IQCH: variants seen among roughly 807,000 people sequenced by gnomAD.
The protein encoded by IQCH is IQ motif containing H, also known as IQ domain-containing protein H.
A neutral mutation model predicts 117.0 loss-of-function variants in IQCH; 98 were observed. That is an observed-to-expected ratio of 0.84 (90% CI 0.71 to 0.99). The LOEUF (loss-of-function observed/expected upper bound fraction) is 0.99, where lower values mean the gene tolerates loss of function less well. Ranked by LOEUF, IQCH falls within the 50% of genes least tolerant of loss-of-function variation. IQCH has a pLI of 0.00. For synonymous variants in IQCH, 412 were observed against 448.2 expected (o/e 0.92, Z 1.02); for missense variants, 1,102 against 1,243.8 (o/e 0.89, Z 1.72).
At chr15:67,304,331 T>C in intron 4 of IQCH, 1 of 1,434,032 alleles carries the variant, frequency 7.0e-7, no homozygotes, top group Non-Finnish European at 9.4e-7. Context: ...ATTGTTTCTT[T>C]GTTTCAGCGA....
At chr15:67,375,940 C>G (rs1970722452) in intron 10 of IQCH, among the ~76,000 whole-genome samples, 2 of 151,922 alleles carry the variant, frequency 1.3e-5, no homozygotes, top group African/African-American at 4.8e-5. Context: ...GCATGTACCA[C>G]CATGCCTGGC....
intron 3 of IQCH, among the ~76,000 whole-genome samples, chr15:67,274,894 T>C (rs1418734917): frequency 1.3e-5 from 2 of 152,168 alleles, no homozygotes; most frequent in Non-Finnish European, 2.9e-5. Context: ...TAAGCCCGGA[T>C]TTGTGTCAAA....
intron 4 of IQCH, among the ~76,000 whole-genome samples, chr15:67,332,359 A>G (rs758821637): frequency 3.9e-5 from 6 of 152,170 alleles, no homozygotes; most frequent in Non-Finnish European, 7.3e-5. Context: ...ACTTCACAAT[A>G]ATTATCATTG....
intron 4 of IQCH, among the ~76,000 whole-genome samples, chr15:67,301,630 G>A (rs1470898536): frequency 4.0e-4 from 61 of 151,676 alleles, no homozygotes; most frequent in Non-Finnish European, 1.8e-4. Context: ...GGCTGGTCTC[G>A]AACTCCTGAC....
At chr15:67,378,614 C>A (rs543876287) in intron 10 of IQCH, among the ~76,000 whole-genome samples, 7 of 151,804 alleles carry the variant, frequency 4.6e-5, no homozygotes, top group Non-Finnish European at 1.0e-4. Context: ...TAATCGAAAT[C>A]AACACTCATT....
At chr15:67,498,918 C>A (rs1344410467) in intron 20 of IQCH, among the ~76,000 whole-genome samples, 4 of 152,184 alleles carry the variant, frequency 2.6e-5, no homozygotes, top group Non-Finnish European at 4.4e-5. Context: ...ATACAAAGTA[C>A]TCTTGTACTC....
chr15:67,336,198 TTAA>T (rs761817423), intron 4 of IQCH, among the ~76,000 whole-genome samples: 6 of 152,174 alleles, frequency 3.9e-5, no homozygotes, highest in Non-Finnish European at 5.9e-5. Context: ...TGTAAATTAA[TTAA>T]TGTTTGGAAA....
chr15:67,475,556 T>A lies in IQCH; in HGVS notation c.2677-140T>A. 1.6e-6 allele frequency: 1 copy of A among 644,486 alleles called. No homozygotes were observed. Among genetic ancestry groups the A allele is most frequent in the South Asian group, 2.0e-5 (1 of 49,608 alleles). 39.9% of individuals were successfully genotyped at this position (644,486 alleles called of 1,614,324 possible). A position where few individuals can be genotyped will look rare whatever the true frequency, so the allele number is the denominator to read the frequency against. Reference sequence around the variant, plus strand: ...ACAAATGTACCACAGCAATGTAAGATGTTAACAATAGGAGAACTGGGTGTG... The same window carrying A: ...ACAAATGTACCACAGCAATGTAAGAAGTTAACAATAGGAGAACTGGGTGTG... On this transcript the variant is annotated intron_variant, in intron 17 of 20. Transcript: ENST00000335894. The surrounding 1 kb of genome is among the most constrained non-coding windows in gnomAD (Gnocchi z 5.7).
In IQCH at chr15:67,500,579, G is replaced by C; in HGVS notation, c.2971-54G>C. ...AACTCCCAAAAGGACCAGATGCTTG[G>C]GGGAGAGGGATTGTAAGAGGTCTTT... On this transcript the variant is annotated intron_variant, in intron 20 of 20. Transcript: ENST00000335894. This position sits in a 1 kb window ranked among gnomAD's most constrained non-coding sequence, Gnocchi z 4.4. 1.1e-6 allele frequency: 1 copy of C among 874,002 alleles called. No homozygotes were observed. Among genetic ancestry groups the C allele is most frequent in the Non-Finnish European group, 1.8e-6 (1 of 544,792 alleles). The allele number at this position is 874,002 out of a possible 1,614,324, so 54.1% of individuals were successfully genotyped here.
Position 67,337,089 on chromosome 15 carries a change from C to T in IQCH, c.502C>T (p.His168Tyr). 1 of 1,613,118 alleles carries T rather than the reference C, an allele frequency of 6.2e-7. No homozygotes were observed. Among genetic ancestry groups the T allele is most frequent in the Non-Finnish European group, 8.5e-7 (1 of 1,179,516 alleles). Residue 168 changes from histidine (H) to tyrosine (Y), a missense_variant, in exon 5 of 21, where the codon CAC (histidine) becomes TAC (tyrosine). Coordinates refer to ENST00000335894, the MANE Select transcript of IQCH (RefSeq NM_001031715.3). The stretch of plus-strand genomic sequence containing the variant: ...TATACCAGTCTTACAAGCAGATGCC[C>T]ACAAAGGTTAGTGATTCAATAGCCA... ...TPIPVLQADA[H>Y]KGILSMIERG...
intron 10 of IQCH, among the ~76,000 whole-genome samples, chr15:67,383,080 A>G (rs926630636): frequency 4.1e-5 from 6 of 147,546 alleles, no homozygotes; most frequent in Admixed American, 2.8e-4. Context: ...TTGTCCATGT[A>G]GAATGGTCTG....
chr15:67,292,163 C>G (rs932198152), intron 4 of IQCH, among the ~76,000 whole-genome samples: 8 of 152,132 alleles, frequency 5.3e-5, no homozygotes, highest in African/African-American at 1.9e-4. Context: ...AGCAGGCCCT[C>G]ACCAAACACT....
In IQCH at chr15:67,500,175, C is replaced by A. The variant is rs2083940676; in HGVS notation, c.2971-458C>A. Among the ~76,000 whole-genome samples, 1 of 151,944 alleles carries A rather than the reference C, an allele frequency of 6.6e-6. No homozygotes were observed. Among genetic ancestry groups the A allele is most frequent in the Non-Finnish European group, 1.5e-5 (1 of 67,958 alleles). The stretch of plus-strand genomic sequence containing the variant: ...TGGGAATGTGTCATTTTTTTCTTCC[C>A]AGCAACCAATGGAAAGAAACCTTCC... On this transcript the variant is annotated intron_variant, in intron 20 of 20. Coordinates refer to ENST00000335894, the MANE Select transcript of IQCH (RefSeq NM_001031715.3). This position sits in a 1 kb window ranked among gnomAD's most constrained non-coding sequence, Gnocchi z 4.4.
At chr15:67,275,676 G>C (rs1190248167) in intron 3 of IQCH, among the ~76,000 whole-genome samples, 1 of 152,134 alleles carries the variant, frequency 6.6e-6, no homozygotes, top group Non-Finnish European at 1.5e-5. Flanking sequence ...CCAGGTGTTT[G>C]AGACCAGCCT....
At chr15:67,322,064 A>T (rs1596177023) in intron 4 of IQCH, among the ~76,000 whole-genome samples, 2 of 152,208 alleles carry the variant, frequency 1.3e-5, no homozygotes, top group African/African-American at 4.8e-5. Flanking sequence ...TTTTAAAATC[A>T]TCAACTCTAA....
chr15:67,397,459 A>G (rs1971508696), intron 13 of IQCH, among the ~76,000 whole-genome samples: 1 of 152,236 alleles, frequency 6.6e-6, no homozygotes, highest in Non-Finnish European at 1.5e-5. Flanking sequence ...GTTCTACTCT[A>G]CTTGTTTGGA....
At chr15:67,382,795 G>C (rs1464860015) in intron 10 of IQCH, among the ~76,000 whole-genome samples, 1 of 152,156 alleles carries the variant, frequency 6.6e-6, no homozygotes, top group Non-Finnish European at 1.5e-5. Flanking sequence ...TGATACCCTT[G>C]AAGAAATCAT....
chr15:67,465,387 G>A lies in IQCH; in HGVS notation c.2676+90G>A. 1 of 1,366,360 alleles carries A rather than the reference G, an allele frequency of 7.3e-7. No individual in the cohort carries two copies. The highest frequency in any genetic ancestry group is 1.3e-5 in the South Asian group (1 of 77,090). The allele number at this position is 1,366,360 out of a possible 1,614,324, so 84.6% of individuals were successfully genotyped here. On this transcript the variant is annotated intron_variant, in intron 17 of 20. Transcript: ENST00000335894. The surrounding 1 kb of genome is among the most constrained non-coding windows in gnomAD (Gnocchi z 5.9). ...TCTGTCTAGGAGCCAGGATCTTTGAGTACAGGAAGAAGAAAGAGCCTAAGG... is the reference window on the plus strand; with the variant it reads ...TCTGTCTAGGAGCCAGGATCTTTGAATACAGGAAGAAGAAAGAGCCTAAGG...
rs1476431775 is a variant in IQCH at position 67,472,955 on chromosome 15, A to G, written c.2677-2741A>G. The stretch of plus-strand genomic sequence containing the variant: ...AGCCTGCCCTTACATGTTGTCTAGT[A>G]ATCATGTACTACTGGACAGTAAGCT... On this transcript the variant is annotated intron_variant, in intron 17 of 20. Transcript: ENST00000335894. The surrounding 1 kb of genome is among the most constrained non-coding windows in gnomAD (Gnocchi z 4.3). 6.6e-6 allele frequency among the ~76,000 whole-genome samples: 1 copy of G among 152,132 alleles called. No individual in the cohort carries two copies. Among genetic ancestry groups the G allele is most frequent in the Non-Finnish European group, 1.5e-5 (1 of 68,004 alleles).
Sources: gnomAD v4.1 joint callset for allele counts (sites outside exome capture counted in the v4.1 genomes callset) on GRCh38, gnomAD v4.1.1 for gene constraint, Gnocchi (gnomAD v3.1) non-coding constraint, MANE v1.5 for transcripts, NCBI Gene and HGNC (gene_info 2026-07-23, HGNC 2026-07-21) for gene names.